Variants in NR6A1 observed in about 807,000 individuals in gnomAD.
The protein encoded by NR6A1 is nuclear receptor subfamily 6 group A member 1.
In NR6A1, 7 loss-of-function variants were observed where a neutral mutation model predicts 59.1. That is an observed-to-expected ratio of 0.12 (90% confidence interval 0.07 to 0.22). The LOEUF (loss-of-function observed/expected upper bound fraction) is 0.22, where lower values mean the gene tolerates loss of function less well. NR6A1 is among the 10% of genes least tolerant of loss of function. The pLI, the probability that NR6A1 is intolerant of heterozygous loss-of-function variation, is 1.00. For missense variants in NR6A1, 468 were observed against 611.6 expected (o/e 0.77, Z 2.48); for synonymous variants, 243 against 236.1 (o/e 1.03, Z -0.27).
At chr9:124,687,603 G>C (rs1838377111) in intron 2 of NR6A1, among the ~76,000 whole-genome samples, 1 of 152,130 alleles carries the variant, frequency 6.6e-6, no homozygotes, top group Non-Finnish European at 1.5e-5. Flanking sequence ...CTTAACCTTT[G>C]AGATTCTTTT....
rs190869925 is a variant in NR6A1, at chr9:124,669,619, G to A, written c.142+63689C>T. On this transcript the variant is annotated intron_variant, in intron 2 of 9. Transcript: ENST00000487099. ...CTTAAATATCAAAATTTCTTGGGAG[G>A]AGGAAAAGAGGCAATACAATCCAAC... Among the ~76,000 whole-genome samples, 3 of 152,306 alleles carry A rather than the reference G, an allele frequency of 2.0e-5. No individual in the cohort carries two copies. The East Asian group carries it at 5.8e-4, about 29-fold the overall frequency.
intron 7 of NR6A1, among the ~76,000 whole-genome samples, chr9:124,527,853 A>G (rs1182759360): frequency 6.6e-6 from 1 of 152,238 alleles, no homozygotes; most frequent in African/African-American, 2.4e-5. Context: ...ACTTCATACC[A>G]GAGATGGAGA....
intron 1 of NR6A1, among the ~76,000 whole-genome samples, chr9:124,733,964 T>G (rs1839953594): frequency 6.6e-6 from 1 of 152,216 alleles, no homozygotes; most frequent in Admixed American, 6.5e-5. Context: ...GAGCTATATT[T>G]GTCTGGCTGG....
chr9:124,582,131 C>T (rs1318708869), intron 2 of NR6A1, among the ~76,000 whole-genome samples: 1 of 152,134 alleles, frequency 6.6e-6, no homozygotes, highest in Non-Finnish European at 1.5e-5. Context: ...CATGTACATT[C>T]ATTGCAGTAC....
chr9:124,517,524 A>G lies in NR6A1; in HGVS notation c.*5181T>C, dbSNP rs1832712039. ...GCAGCCCTTGGCCGGCCCTTTGGAG[A>G]CAAGGGCTCAGGGACATCCCGTTTC... On this transcript the variant is annotated 3_prime_UTR_variant, in exon 10 of 10. Transcript: ENST00000487099. 6.6e-6 allele frequency: 1 copy of G among 152,154 alleles called. No homozygotes were observed. Among genetic ancestry groups the G allele is most frequent in the Non-Finnish European group, 1.5e-5 (1 of 68,044 alleles). 9.4% of individuals were successfully genotyped at this position (152,154 alleles called of 1,614,324 possible).
chr9:124,552,163 C>T (rs1833796201), intron 3 of NR6A1, among the ~76,000 whole-genome samples: 1 of 152,128 alleles, frequency 6.6e-6, no homozygotes, highest in Admixed American at 6.5e-5. Flanking sequence ...AGACAGCAGT[C>T]AAGAAGGCAA....
intron 2 of NR6A1, among the ~76,000 whole-genome samples, chr9:124,584,513 A>C (rs1834867321): frequency 6.6e-6 from 1 of 152,174 alleles, no homozygotes; most frequent in African/African-American, 2.4e-5. Flanking sequence ...TCTCTGTGTC[A>C]CATTTGGTAA....
intron 2 of NR6A1, among the ~76,000 whole-genome samples, chr9:124,726,482 C>T (rs569287909): frequency 1.2e-4 from 19 of 152,284 alleles, no homozygotes; most frequent in Non-Finnish European, 1.8e-4. Flanking sequence ...ATTCAGCTCA[C>T]GTTCCATGAT....
chr9:124,683,993 G>A (rs1418673283), intron 2 of NR6A1, among the ~76,000 whole-genome samples: 6 of 152,188 alleles, frequency 3.9e-5, no homozygotes, highest in Admixed American at 3.3e-4. Context: ...TACTAGCAAA[G>A]TGGCATTTTT....
intron 6 of NR6A1, 39 bp from the exon 7 acceptor site, chr9:124,536,171 C>A: frequency 1.3e-6 from 2 of 1,594,936 alleles, no homozygotes; most frequent in South Asian, 2.3e-5. Context: ...TTCCATTGGT[C>A]AGAGGGTGAG....
rs566875887 is a variant in NR6A1 at position 124,632,955 on chromosome 9, T to C, written c.143-78385A>G. Reference sequence around the variant, plus strand: ...ATGTAAGGATGTGTTTCAGCTACAATGCTCTAGATTATCTGAGCCTCAAAA... The same window carrying C: ...ATGTAAGGATGTGTTTCAGCTACAACGCTCTAGATTATCTGAGCCTCAAAA... On this transcript the variant is annotated intron_variant, in intron 2 of 9. Transcript: ENST00000487099. Among the ~76,000 whole-genome samples, 177 of 152,280 alleles carry C rather than the reference T, an allele frequency of 1.2e-3. 1 individual carries two copies. The highest frequency in any genetic ancestry group is 3.8e-3 in the African/African-American group (159 of 41,572).
chr9:124,543,311 CT>C (rs1833502776), intron 4 of NR6A1, among the ~76,000 whole-genome samples: 1 of 152,162 alleles, frequency 6.6e-6, no homozygotes, highest in Non-Finnish European at 1.5e-5. Context: ...GTTTACCTAT[CT>C]GTTTCTCCCA....
intron 2 of NR6A1, among the ~76,000 whole-genome samples, chr9:124,588,559 C>T (rs1481281020): frequency 6.7e-6 from 1 of 149,932 alleles, no homozygotes; most frequent in Middle Eastern, 3.4e-3. Context: ...CCACCCGCTT[C>T]GGCCTCCCAA....
intron 4 of NR6A1, among the ~76,000 whole-genome samples, chr9:124,541,461 A>G (rs1376593078): frequency 6.6e-6 from 1 of 152,218 alleles, no homozygotes; most frequent in Non-Finnish European, 1.5e-5. Context: ...TGTATGTAAA[A>G]GAACACAACA....
At chr9:124,660,168 T>C (rs2130939741) in intron 2 of NR6A1, among the ~76,000 whole-genome samples, 1 of 152,332 alleles carries the variant, frequency 6.6e-6, no homozygotes, top group South Asian at 2.1e-4. Context: ...AAAATAACAG[T>C]GTTCTAAGTG....
At chr9:124,579,312 G>A (rs1325205258) in intron 2 of NR6A1, among the ~76,000 whole-genome samples, 1 of 152,020 alleles carries the variant, frequency 6.6e-6, no homozygotes, top group Non-Finnish European at 1.5e-5. Context: ...AGCTACATGG[G>A]AGGCTTAGGT....
chr9:124,538,901 T>C (rs1215090848), intron 5 of NR6A1, among the ~76,000 whole-genome samples: 2 of 24,022 alleles, frequency 8.3e-5, no homozygotes, highest in Non-Finnish European at 1.5e-4. Context: ...CTCTGTCAAC[T>C]AATTAAAAAA....
intron 2 of NR6A1, among the ~76,000 whole-genome samples, chr9:124,722,613 G>A (rs2131099595): frequency 6.6e-6 from 1 of 152,244 alleles, no homozygotes; most frequent in East Asian, 1.9e-4. Context: ...TTTTTATCTT[G>A]CCTATTTTTT....
intron 2 of NR6A1, among the ~76,000 whole-genome samples, chr9:124,618,576 G>A (rs945236835): frequency 6.6e-6 from 1 of 152,156 alleles, no homozygotes; most frequent in Non-Finnish European, 1.5e-5. Flanking sequence ...AATCACTATG[G>A]TTGAAATGTC....
Sources: gnomAD v4.1 joint callset for allele counts (sites outside exome capture counted in the v4.1 genomes callset) on GRCh38, gnomAD v4.1.1 for gene constraint, MANE v1.5 for transcripts, NCBI Gene and HGNC (gene_info 2026-07-23, HGNC 2026-07-21) for gene names.